Variants in ANKS1B observed in about 807,000 individuals in gnomAD.
ANKS1B encodes ankyrin repeat and sterile alpha motif domain-containing protein 1B.
ANKS1B carries 36 observed loss-of-function variants against 148.3 expected under a neutral mutation model. That is an observed-to-expected ratio of 0.24 (90% CI 0.19 to 0.32). The LOEUF (loss-of-function observed/expected upper bound fraction) is 0.32, where lower values mean the gene tolerates loss of function less well. Ranked by LOEUF, ANKS1B falls within the 10% of genes least tolerant of loss-of-function variation. The pLI is 1.00. For synonymous variants in ANKS1B, 542 were observed against 560.8 expected, an observed-to-expected ratio of 0.97 and a Z score of 0.47; for missense variants, 1,157 against 1,542.6, an observed-to-expected ratio of 0.75 and a Z score of 4.19.
intron 15 of ANKS1B, among the ~76,000 whole-genome samples, chr12:99,139,517 A>G (rs1456060239): frequency 3.0e-5 from 4 of 134,370 alleles, no homozygotes; most frequent in African/African-American, 1.2e-4. Flanking sequence ...GTCTCAGGCA[A>G]TGCTCCTGAT....
chr12:99,961,427 TCTC>T (rs2095411433), intron 1 of ANKS1B, among the ~76,000 whole-genome samples: 2 of 152,192 alleles, frequency 1.3e-5, no homozygotes, highest in African/African-American at 4.8e-5. Flanking sequence ...TTGTCCACCT[TCTC>T]CTCCAGCCAT....
chr12:98,780,965 G>A (rs751781554), intron 24 of ANKS1B, among the ~76,000 whole-genome samples, 152 bp downstream of exon 24: 3 of 152,096 alleles, frequency 2.0e-5, no homozygotes, highest in Non-Finnish European at 2.9e-5. Flanking sequence ...GTACATGAGC[G>A]TGTATCTATA....
chr12:99,652,431 C>T (rs773384241), intron 9 of ANKS1B, among the ~76,000 whole-genome samples: 4 of 151,842 alleles, frequency 2.6e-5, no homozygotes, highest in African/African-American at 7.3e-5. Context: ...CAAGATCGTA[C>T]CACTGCACTC....
intron 9 of ANKS1B, among the ~76,000 whole-genome samples, chr12:99,576,734 A>G (rs2097523615): frequency 1.3e-5 from 2 of 152,138 alleles, no homozygotes; most frequent in Admixed American, 1.3e-4. Context: ...CAGCTAAAGT[A>G]GTTTTAAGAG....
At chr12:99,764,684 A>G (rs1489121943) in intron 8 of ANKS1B, among the ~76,000 whole-genome samples, 2 of 152,096 alleles carry the variant, frequency 1.3e-5, no homozygotes, top group East Asian at 1.9e-4. Flanking sequence ...CAGCCTCCCA[A>G]AGTGCTGAGA....
chr12:99,853,633 A>G (rs1378049200), intron 1 of ANKS1B, among the ~76,000 whole-genome samples: 2 of 152,110 alleles, frequency 1.3e-5, no homozygotes, highest in African/African-American at 4.8e-5. Context: ...TTACCCAGAA[A>G]AACAATCCTG....
At chr12:99,720,865 C>T (rs2058011274) in intron 8 of ANKS1B, among the ~76,000 whole-genome samples, 1 of 152,168 alleles carries the variant, frequency 6.6e-6, no homozygotes, top group East Asian at 1.9e-4. Context: ...ACTGTTTCTC[C>T]AAGTCATCAC....
intron 8 of ANKS1B, among the ~76,000 whole-genome samples, chr12:99,679,247 T>G (rs1283903857): frequency 1.3e-5 from 2 of 152,220 alleles, no homozygotes; most frequent in African/African-American, 2.4e-5. Flanking sequence ...AAGAGCTCAC[T>G]TGTTAAATAA....
intron 10 of ANKS1B, among the ~76,000 whole-genome samples, chr12:99,478,882 C>T (rs7137194): frequency 0.42 from 63,806 of 151,876 alleles, 16,009 homozygotes; most frequent in African/African-American, 0.71. Context: ...ACAGAAATAG[C>T]GTGAGCCACA....
At chr12:98,798,559 T>C (rs984724127) in intron 22 of ANKS1B, among the ~76,000 whole-genome samples, 3 of 152,222 alleles carry the variant, frequency 2.0e-5, no homozygotes, top group African/African-American at 7.2e-5. Context: ...TCTTAATACT[T>C]CTGCTTTTGA....
At chr12:98,850,459 A>ATTTTT (rs59294440) in intron 17 of ANKS1B, among the ~76,000 whole-genome samples, 6,003 of 70,562 alleles carry the variant, frequency 0.085, 1,589 homozygotes, top group South Asian at 0.15. Flanking sequence ...GAAGCATTGC[A>ATTTTT]TTTTTTTTTT....
At chr12:99,715,607 C>T (rs529615752) in intron 8 of ANKS1B, among the ~76,000 whole-genome samples, 6 of 152,272 alleles carry the variant, frequency 3.9e-5, no homozygotes, top group South Asian at 2.1e-4. Flanking sequence ...TGCCGTGACT[C>T]GGATCAGGGG....
At chr12:98,880,590 C>A (rs1238852457) in intron 17 of ANKS1B, among the ~76,000 whole-genome samples, 1 of 152,050 alleles carries the variant, frequency 6.6e-6, no homozygotes, top group South Asian at 2.1e-4. Context: ...CATGGTGAAA[C>A]CCCATCTCTA....
chr12:99,190,069 A>T (rs1044731060), intron 14 of ANKS1B, among the ~76,000 whole-genome samples: 1 of 152,332 alleles, frequency 6.6e-6, no homozygotes, highest in Non-Finnish European at 1.5e-5. Flanking sequence ...GAGGCAAATC[A>T]TAAGTGAACT....
At chr12:99,548,947 C>A (rs2097194552) in intron 9 of ANKS1B, among the ~76,000 whole-genome samples, 3 of 151,848 alleles carry the variant, frequency 2.0e-5, no homozygotes, top group Non-Finnish European at 2.9e-5. Flanking sequence ...TAGATAATTA[C>A]AACTATGATT....
At chr12:98,902,445 A>T (rs2099773408) in intron 17 of ANKS1B, among the ~76,000 whole-genome samples, 1 of 152,236 alleles carries the variant, frequency 6.6e-6, no homozygotes, top group African/African-American at 2.4e-5. Flanking sequence ...CTAAGTAATT[A>T]TACATCCCAA....
intron 1 of ANKS1B, among the ~76,000 whole-genome samples, chr12:99,876,630 T>A (rs2092081143): frequency 6.6e-6 from 1 of 151,618 alleles, no homozygotes; most frequent in Non-Finnish European, 1.5e-5. Flanking sequence ...CTCGGGAGGC[T>A]GAGGCAGGAG....
intron 10 of ANKS1B, among the ~76,000 whole-genome samples, chr12:99,463,000 C>A (rs1263946080): frequency 6.6e-6 from 1 of 152,150 alleles, no homozygotes; most frequent in Non-Finnish European, 1.5e-5. Context: ...GAACTGCAAG[C>A]CAAACAAACC....
At chr12:99,570,383 C>T (rs1214611955) in intron 9 of ANKS1B, among the ~76,000 whole-genome samples, 1 of 151,956 alleles carries the variant, frequency 6.6e-6, no homozygotes, top group Non-Finnish European at 1.5e-5. Flanking sequence ...CACAGTGGCT[C>T]ACGCCTGTAA....
Sources: allele counts gnomAD v4.1 joint callset (sites outside exome capture counted in the v4.1 genomes callset), GRCh38; gene constraint gnomAD v4.1.1; transcripts MANE v1.5; gene names NCBI Gene and HGNC (gene_info 2026-07-23, HGNC 2026-07-21).